TBC1D19: variants seen among roughly 807,000 people sequenced by gnomAD.
TBC1D19 encodes the protein TBC1 domain family member 19.
In TBC1D19, 60 loss-of-function variants were observed where a neutral mutation model predicts 89.0. The observed-to-expected ratio is 0.67, with a 90% CI of 0.55 to 0.84. The LOEUF (loss-of-function observed/expected upper bound fraction) is 0.84. Among genes scored for constraint, TBC1D19 ranks in the 40% least tolerant of loss-of-function variants. The probability of loss-of-function intolerance (pLI) is 0.00; values close to 1 mark genes in which losing one functional copy is unlikely to be tolerated. For synonymous variants in TBC1D19, 189 were observed against 199.7 expected, an observed-to-expected ratio of 0.95 and a Z score of 0.45; for missense variants, 500 against 610.8, an observed-to-expected ratio of 0.82 and a Z score of 1.91.
At chr4:26,854,755 G>A in the TBC1D19 span, among the ~76,000 whole-genome samples, 4 of 139,938 alleles carry the variant, frequency 2.9e-5, no homozygotes, top group Non-Finnish European at 6.1e-5. Flanking sequence ...TTCCTCTGGG[G>A]CTTCCCTTTT....
At chr4:26,721,658 CTT>C (rs1462055756) in intron 15 of TBC1D19, among the ~76,000 whole-genome samples, 1 of 152,146 alleles carries the variant, frequency 6.6e-6, no homozygotes, top group East Asian at 1.9e-4. Context: ...CTTCCCATCT[CTT>C]AACAAGTGAT....
intron 4 of TBC1D19, among the ~76,000 whole-genome samples, chr4:26,631,133 G>A (rs893796798): frequency 6.6e-6 from 1 of 151,988 alleles, no homozygotes; most frequent in Non-Finnish European, 1.5e-5. Context: ...TATAGATATG[G>A]GACAGAGGAT....
chr4:26,741,343 A>G (rs1424081062), intron 17 of TBC1D19, among the ~76,000 whole-genome samples: 1 of 140,606 alleles, frequency 7.1e-6, no homozygotes, highest in African/African-American at 2.7e-5. Flanking sequence ...GGCCTGGGCG[A>G]CAGAGCGAGA....
chr4:26,706,505 G>A (rs1358167954), intron 13 of TBC1D19, among the ~76,000 whole-genome samples: 1 of 151,898 alleles, frequency 6.6e-6, no homozygotes, highest in Admixed American at 6.6e-5. Context: ...TATCTCTATT[G>A]TTTTCCTATT....
chr4:26,838,550 C>T, the TBC1D19 span, among the ~76,000 whole-genome samples: 1 of 152,182 alleles, frequency 6.6e-6, no homozygotes, highest in Non-Finnish European at 1.5e-5. Flanking sequence ...CATAAAATCA[C>T]ACCAACACAG....
chr4:26,643,996 C>T (rs562487663), intron 7 of TBC1D19, among the ~76,000 whole-genome samples: 3 of 152,224 alleles, frequency 2.0e-5, no homozygotes, highest in African/African-American at 7.2e-5. Context: ...ACCAGAGGTA[C>T]AAAGAGGAGC....
At chr4:26,798,026 A>G in the TBC1D19 span, among the ~76,000 whole-genome samples, 1 of 152,360 alleles carries the variant, frequency 6.6e-6, no homozygotes, top group South Asian at 2.1e-4. Flanking sequence ...AAATGCAACA[A>G]AAATAAAAAT....
In TBC1D19 at chr4:26,638,846, A is replaced by T; in HGVS notation, c.433+12A>T. ...AACTGATGAACCAGGTATGTGAACA[A>T]TTTTTTCTGAATGTAGTAGTGGAAA... On this transcript the variant is annotated intron_variant, in intron 6 of 20. Transcript: ENST00000264866. The T allele has an allele frequency of 6.3e-7, 1 of 1,597,692 alleles. No individual in the cohort carries two copies. The highest frequency in any genetic ancestry group is 1.1e-5 in the South Asian group (1 of 87,672).
Position 26,628,239 on chromosome 4 carries a change from G to A in TBC1D19, c.294+7551G>A, listed in dbSNP as rs555345902. 1.4e-3 allele frequency among the ~76,000 whole-genome samples: 215 copies of A among 152,202 alleles called. 3 individuals are homozygous for A. The highest frequency in any genetic ancestry group is 4.9e-3 in the African/African-American group (204 of 41,538). ...TCTGAGGGCCCTGTTCTGTTCCATC[G>A]ATCTAGATCTCTGTTTTGGTACCAG... is the stretch of plus-strand genomic sequence containing the variant. On this transcript the variant is annotated intron_variant, in intron 4 of 20. Transcript: ENST00000264866.
At chr4:26,842,644 CTTTT>C in the TBC1D19 span, among the ~76,000 whole-genome samples, 462 of 99,256 alleles carry the variant, frequency 4.7e-3, 7 homozygotes, top group African/African-American at 0.017. Flanking sequence ...TTCTTTCTTT[CTTTT>C]TCTTTCTTCT....
At chr4:26,817,741 G>A in the TBC1D19 span, among the ~76,000 whole-genome samples, 1 of 152,006 alleles carries the variant, frequency 6.6e-6, no homozygotes, top group Non-Finnish European at 1.5e-5. Context: ...GCTGAGGTGG[G>A]CGGATCACCT....
chr4:26,838,083 G>A, the TBC1D19 span, among the ~76,000 whole-genome samples: 119 of 152,202 alleles, frequency 7.8e-4, no homozygotes, highest in African/African-American at 2.7e-3. Context: ...AAGAAACAAG[G>A]CAATGAGAAT....
chr4:26,798,885 G>T, the TBC1D19 span, among the ~76,000 whole-genome samples: 6 of 151,860 alleles, frequency 4.0e-5, no homozygotes, highest in Non-Finnish European at 7.4e-5. Context: ...AATGGGAGAG[G>T]GTAGAAGGGG....
intron 7 of TBC1D19, among the ~76,000 whole-genome samples, chr4:26,640,647 C>G (rs1200203143): frequency 6.6e-6 from 1 of 152,216 alleles, no homozygotes; most frequent in Non-Finnish European, 1.5e-5. Context: ...ATTTCCCTTT[C>G]TGACCCAAGG....
intron 10 of TBC1D19, among the ~76,000 whole-genome samples, chr4:26,673,319 A>G (rs924499185): frequency 1.3e-5 from 2 of 151,340 alleles, no homozygotes; most frequent in African/African-American, 4.8e-5. Context: ...CATGTACCAT[A>G]CATTTCCAAA....
At chr4:26,798,171 C>G in the TBC1D19 span, among the ~76,000 whole-genome samples, 2 of 152,220 alleles carry the variant, frequency 1.3e-5, no homozygotes, top group South Asian at 2.1e-4. Flanking sequence ...TATCCAGAAT[C>G]TACAAGGAAC....
intron 13 of TBC1D19, among the ~76,000 whole-genome samples, chr4:26,713,400 A>G (rs1238551959): frequency 6.6e-6 from 1 of 152,020 alleles, no homozygotes; most frequent in Non-Finnish European, 1.5e-5. Context: ...TTTATCTGAA[A>G]CCAACATTTG....
At chr4:26,653,325 T>C (rs1218583319) in intron 7 of TBC1D19, among the ~76,000 whole-genome samples, 1 of 152,210 alleles carries the variant, frequency 6.6e-6, no homozygotes, top group Non-Finnish European at 1.5e-5. Flanking sequence ...GATGTGGTGC[T>C]GAGAAGAATG....
the TBC1D19 span, among the ~76,000 whole-genome samples, chr4:26,850,329 G>A: frequency 5.9e-5 from 9 of 151,622 alleles, no homozygotes; most frequent in African/African-American, 1.5e-4. Context: ...CAGGTGGATC[G>A]CTTGAGCCCA....
Sources: allele counts gnomAD v4.1 joint callset (sites outside exome capture counted in the v4.1 genomes callset), GRCh38; gene constraint gnomAD v4.1.1; transcripts MANE v1.5; gene names NCBI Gene and HGNC (gene_info 2026-07-23, HGNC 2026-07-21).